The following GALNT14 variants were observed in gnomAD, a reference collection of about 807,000 sequenced individuals.
GALNT14 encodes UDP-GalNAc:polypeptide N-acetylgalactosaminyltransferase 14.
A neutral mutation model predicts 77.5 loss-of-function variants in GALNT14; 60 were observed. The observed-to-expected ratio is 0.77, with a 90% CI of 0.63 to 0.96. The LOEUF is 0.96. Among genes scored for constraint, GALNT14 ranks in the 40% least tolerant of loss-of-function variants. The probability of loss-of-function intolerance (pLI) is 0.00; values close to 1 mark genes in which losing one functional copy is unlikely to be tolerated. For missense variants in GALNT14, 710 were observed against 731.0 expected, an observed-to-expected ratio of 0.97 and a Z score of 0.33; for synonymous variants, 280 against 281.7, an observed-to-expected ratio of 0.99 and a Z score of 0.06.
At chr2:30,930,789 A>C (rs1665678989) in intron 10 of GALNT14, among the ~76,000 whole-genome samples, 1 of 152,234 alleles carries the variant, frequency 6.6e-6, no homozygotes, top group Non-Finnish European at 1.5e-5. Flanking sequence ...GAGGCAGTTA[A>C]CAGTGCCTCC....
At chr2:30,966,329 T>C (rs749703133) in intron 2 of GALNT14, 27 bp from the exon 3 acceptor site, 1 of 1,540,548 alleles carries the variant, frequency 6.5e-7, no homozygotes, top group Non-Finnish European at 9.0e-7. Context: ...ACAGGGCAAG[T>C]GAGACCTTCA....
chr2:31,077,455 A>G (rs1675873564), intron 1 of GALNT14, among the ~76,000 whole-genome samples: 1 of 152,134 alleles, frequency 6.6e-6, no homozygotes, highest in East Asian at 1.9e-4. Flanking sequence ...TTTTCCCTTC[A>G]ATTACCCCAG....
At chr2:30,969,019 C>T (rs1268842688) in intron 2 of GALNT14, among the ~76,000 whole-genome samples, 6 of 152,060 alleles carry the variant, frequency 3.9e-5, no homozygotes, top group Non-Finnish European at 7.4e-5. Flanking sequence ...CATGGAGGGG[C>T]TTGGAGAGGC....
rs963153609 is a variant in GALNT14, at chr2:31,078,862, C to A, written c.129+59096G>T. ...CTGGGAGAACCCAGGCACAGGAGAG[C>A]AGGGGAAAGTAGGGCAAAGCAGGGT... is the stretch of plus-strand genomic sequence containing the variant. On this transcript the variant is annotated intron_variant, in intron 1 of 14. Transcript: ENST00000349752. 4.8e-6 allele frequency: 6 copies of A among 1,243,912 alleles called. No individual in the cohort carries two copies. In the African/African-American group the frequency reaches 7.7e-5, roughly 16 times the overall value. The allele number at this position is 1,243,912 out of a possible 1,614,324, so 77.1% of individuals were successfully genotyped here.
intron 1 of GALNT14, among the ~76,000 whole-genome samples, chr2:31,069,079 CT>C (rs1675175904): frequency 6.6e-6 from 1 of 152,144 alleles, no homozygotes; most frequent in African/African-American, 2.4e-5. Context: ...AGATTATGTG[CT>C]TGTTGTATAA....
At chr2:30,950,633 C>T (rs748008249) in intron 6 of GALNT14, among the ~76,000 whole-genome samples, 5 of 152,218 alleles carry the variant, frequency 3.3e-5, no homozygotes, top group African/African-American at 4.8e-5. Flanking sequence ...TAGCAAAAAC[C>T]TCTGCAGCCC....
intron 2 of GALNT14, among the ~76,000 whole-genome samples, chr2:30,990,658 AG>A (rs1176469841): frequency 1.3e-5 from 2 of 152,248 alleles, no homozygotes; most frequent in African/African-American, 2.4e-5. Context: ...CTTTGCACAT[AG>A]TAGGTGATCT....
intron 2 of GALNT14, among the ~76,000 whole-genome samples, chr2:30,991,770 G>A (rs1669721439): frequency 6.6e-6 from 1 of 152,184 alleles, no homozygotes; most frequent in Admixed American, 6.5e-5. Flanking sequence ...TAGAAGACAA[G>A]GTTTCCAAGT....
chr2:30,917,055 C>A (rs1287484874), intron 13 of GALNT14, among the ~76,000 whole-genome samples: 1 of 88,226 alleles, frequency 1.1e-5, no homozygotes, highest in African/African-American at 4.5e-5. Context: ...CCAGCCTGGG[C>A]AAAAGAGTAA....
At chr2:30,947,446 T>C (rs1018554091) in intron 6 of GALNT14, among the ~76,000 whole-genome samples, 1 of 152,326 alleles carries the variant, frequency 6.6e-6, no homozygotes, top group African/African-American at 2.4e-5. Flanking sequence ...ACCAGCTTCT[T>C]GGAGCCATCG....
At chr2:30,935,049 A>G (rs1283665972) in intron 9 of GALNT14, among the ~76,000 whole-genome samples, 3 of 152,130 alleles carry the variant, frequency 2.0e-5, no homozygotes, top group Non-Finnish European at 2.9e-5. Context: ...GAGTATTGCA[A>G]TTCTGCAAGC....
At chr2:30,915,715 C>T (rs1427939495) in intron 13 of GALNT14, among the ~76,000 whole-genome samples, 2 of 152,166 alleles carry the variant, frequency 1.3e-5, no homozygotes, top group African/African-American at 2.4e-5. Context: ...CGTTTGGGGG[C>T]CTGGCAAAAG....
At chr2:31,051,562 T>C (rs938912126) in intron 1 of GALNT14, among the ~76,000 whole-genome samples, 8 of 152,186 alleles carry the variant, frequency 5.3e-5, no homozygotes, top group African/African-American at 1.9e-4. Flanking sequence ...GCCGGACCTT[T>C]GGATTTCAGA....
In GALNT14 at chr2:31,110,808, G is replaced by A. The variant is rs184622324; in HGVS notation, c.129+27150C>T. ...GTGGGAGAAACTGACTCTGTGACAC[G>A]TATTATCAACTCTCACACAGGCACT... is the stretch of plus-strand genomic sequence containing the variant. On this transcript the variant is annotated intron_variant, in intron 1 of 14. Transcript: ENST00000349752. Among the ~76,000 whole-genome samples the A allele has an allele frequency of 9.9e-5, 15 of 152,178 alleles. No individual in the cohort carries two copies. The South Asian group carries it at 1.5e-3, about 15-fold the overall frequency.
chr2:31,097,707 G>A (rs1677071879), intron 1 of GALNT14, among the ~76,000 whole-genome samples: 1 of 152,056 alleles, frequency 6.6e-6, no homozygotes. Context: ...CACCCAGCAG[G>A]CTTCCTGTAT....
intron 6 of GALNT14, among the ~76,000 whole-genome samples, chr2:30,947,920 A>G (rs1450782838): frequency 6.6e-6 from 1 of 152,212 alleles, no homozygotes; most frequent in Non-Finnish European, 1.5e-5. Context: ...TCAATGCATT[A>G]CTTCTACCTC....
intron 1 of GALNT14, chr2:31,114,667 A>T: frequency 1.5e-6 from 1 of 672,854 alleles, no homozygotes; most frequent in South Asian, 1.7e-5. Context: ...CTTGTGAATA[A>T]CAATAATCCC....
intron 13 of GALNT14, 60 bp from the exon 14 acceptor site, chr2:30,912,402 T>C: frequency 2.5e-6 from 4 of 1,595,504 alleles, no homozygotes; most frequent in Non-Finnish European, 2.6e-6. Flanking sequence ...ACTCGTGGGA[T>C]ACAACCACAC....
chr2:30,966,756 C>A (rs1021604951), intron 2 of GALNT14, among the ~76,000 whole-genome samples: 1 of 152,118 alleles, frequency 6.6e-6, no homozygotes, highest in African/African-American at 2.4e-5. Flanking sequence ...CAGCTTCAGG[C>A]TACCATGTTG....
Sources: gnomAD v4.1 joint callset for allele counts (sites outside exome capture counted in the v4.1 genomes callset) on GRCh38, gnomAD v4.1.1 for gene constraint, MANE v1.5 for transcripts, NCBI Gene and HGNC (gene_info 2026-07-23, HGNC 2026-07-21) for gene names.